Variants in EPHA6 observed in about 807,000 individuals in gnomAD.
EPHA6 encodes the protein ephrin type-A receptor 6.
A neutral mutation model predicts 112.0 loss-of-function variants in EPHA6; 50 were observed. The observed-to-expected ratio is 0.45, with a 90% CI of 0.36 to 0.56. The LOEUF is 0.56. Ranked by LOEUF, EPHA6 falls within the 20% of genes least tolerant of loss-of-function variation. The pLI, the probability that EPHA6 is intolerant of heterozygous loss-of-function variation, is 0.00. For synonymous variants in EPHA6, 529 were observed against 490.7 expected, an observed-to-expected ratio of 1.08 and a Z score of -1.03; for missense variants, 1,280 against 1,417.4, an observed-to-expected ratio of 0.90 and a Z score of 1.56.
At chr3:96,849,101 T>G (rs2035243502) in intron 1 of EPHA6, among the ~76,000 whole-genome samples, 1 of 152,154 alleles carries the variant, frequency 6.6e-6, no homozygotes, top group African/African-American at 2.4e-5. Flanking sequence ...GAAGTTTAGC[T>G]TCCAAGCAGG....
chr3:97,261,818 A>G (rs1322087377), intron 5 of EPHA6, among the ~76,000 whole-genome samples: 1 of 152,186 alleles, frequency 6.6e-6, no homozygotes, highest in Non-Finnish European at 1.5e-5. Context: ...ATGAGATGCT[A>G]CTATTGACAT....
intron 3 of EPHA6, among the ~76,000 whole-genome samples, chr3:97,135,815 G>A (rs2075754380): frequency 6.6e-6 from 1 of 150,718 alleles, no homozygotes; most frequent in Non-Finnish European, 1.5e-5. Flanking sequence ...ACGCTTTGAA[G>A]GAAATTCAGG....
chr3:96,898,919 A>T (rs900124603), intron 2 of EPHA6, among the ~76,000 whole-genome samples: 1 of 151,444 alleles, frequency 6.6e-6, no homozygotes, highest in South Asian at 2.1e-4. Flanking sequence ...TCCCAGCTAC[A>T]CGGGAGGCTG....
intron 2 of EPHA6, among the ~76,000 whole-genome samples, chr3:96,884,290 T>G (rs898164917): frequency 6.6e-6 from 1 of 152,266 alleles, no homozygotes; most frequent in African/African-American, 2.4e-5. Context: ...ATTGCATTGA[T>G]TTGTAGATTG....
At chr3:97,160,908 G>A (rs2076399965) in intron 3 of EPHA6, among the ~76,000 whole-genome samples, 1 of 152,088 alleles carries the variant, frequency 6.6e-6, no homozygotes, top group Non-Finnish European at 1.5e-5. Flanking sequence ...TATAAATCAG[G>A]TACCAGGCTT....
chr3:97,570,926 G>A (rs1488126008), intron 11 of EPHA6, among the ~76,000 whole-genome samples: 1 of 152,150 alleles, frequency 6.6e-6, no homozygotes, highest in African/African-American at 2.4e-5. Flanking sequence ...CACCAGCACT[G>A]TAGAGTCTAG....
intron 16 of EPHA6, among the ~76,000 whole-genome samples, chr3:97,736,470 A>AGTGTGTGTGT (rs376497031): frequency 1.7e-5 from 2 of 118,812 alleles, no homozygotes; most frequent in South Asian, 3.2e-4. Context: ...AGAGAGAGAG[A>AGTGTGTGTGT]GTGTGTGTGT....
intron 5 of EPHA6, among the ~76,000 whole-genome samples, chr3:97,323,057 T>C (rs1356097490): frequency 2.2e-4 from 34 of 152,092 alleles, no homozygotes; most frequent in Non-Finnish European, 1.0e-4. Flanking sequence ...TCCCTTGTAG[T>C]TAAGAAAAAT....
chr3:97,003,401 A>G (rs965584025), intron 3 of EPHA6, among the ~76,000 whole-genome samples: 2 of 152,076 alleles, frequency 1.3e-5, no homozygotes, highest in Non-Finnish European at 2.9e-5. Context: ...TTTCTTAACT[A>G]AGCCCCAGAA....
chr3:97,184,449 G>T (rs1350703267), intron 3 of EPHA6, among the ~76,000 whole-genome samples: 1 of 152,124 alleles, frequency 6.6e-6, no homozygotes, highest in East Asian at 1.9e-4. Flanking sequence ...AATCATCAGT[G>T]AACTCCCATT....
chr3:97,470,020 A>G (rs1046311640), intron 7 of EPHA6, among the ~76,000 whole-genome samples: 5 of 151,632 alleles, frequency 3.3e-5, no homozygotes, highest in Non-Finnish European at 5.9e-5. Flanking sequence ...AATGATAACA[A>G]TATCATCTAC....
intron 3 of EPHA6, among the ~76,000 whole-genome samples, chr3:97,212,417 T>A (rs1163150378): frequency 6.6e-6 from 1 of 152,190 alleles, no homozygotes; most frequent in Non-Finnish European, 1.5e-5. Context: ...CTATGTTGTA[T>A]GAGTATTATT....
chr3:97,424,990 A>G (rs2088991558), intron 6 of EPHA6, among the ~76,000 whole-genome samples: 1 of 152,088 alleles, frequency 6.6e-6, no homozygotes, highest in African/African-American at 2.4e-5. Context: ...ATCTCCTTTG[A>G]CTCCATGTCT....
chr3:96,882,746 G>GTGTGTGTGTGTGTGTGTGTGTT, intron 2 of EPHA6, among the ~76,000 whole-genome samples: 1 of 145,364 alleles, frequency 6.9e-6, no homozygotes, highest in South Asian at 2.2e-4. Flanking sequence ...GTGTGTGTGT[G>GTGTGTGTGTGTGTGTGTGTGTT]TGTGTGTGTG....
rs561131820 is a variant in EPHA6 at position 97,253,125 on chromosome 3, A to C, written c.1606+8838A>C. Among the ~76,000 whole-genome samples, 8 of 152,352 alleles carry C rather than the reference A, an allele frequency of 5.3e-5. No homozygotes were observed. In the South Asian group the frequency reaches 1.7e-3, roughly 32 times the overall value. On this transcript the variant is annotated intron_variant, in intron 5 of 17. Transcript: ENST00000389672. ...TGAAAAAAAACAAAATTAAATATAT[A>C]ATATCTGATTCAATATACATTTTCA...
intron 3 of EPHA6, among the ~76,000 whole-genome samples, chr3:97,092,416 A>G (rs2047100924): frequency 6.6e-6 from 1 of 152,076 alleles, no homozygotes; most frequent in South Asian, 2.1e-4. Context: ...CTCCAAAAGT[A>G]TGGCTTCTAT....
intron 14 of EPHA6, among the ~76,000 whole-genome samples, chr3:97,675,687 T>C (rs1283077271): frequency 3.9e-5 from 6 of 152,194 alleles, no homozygotes; most frequent in Admixed American, 1.3e-4. Context: ...ATATATCTTA[T>C]AAGAATAACA....
chr3:97,647,635 T>C (rs2094075648), intron 14 of EPHA6, among the ~76,000 whole-genome samples: 1 of 152,158 alleles, frequency 6.6e-6, no homozygotes, highest in Non-Finnish European at 1.5e-5. Context: ...TAATTAGTGT[T>C]ATGTGGCTAA....
chr3:97,195,979 A>G (rs1443598784), intron 3 of EPHA6, among the ~76,000 whole-genome samples: 2 of 151,928 alleles, frequency 1.3e-5, no homozygotes, highest in Non-Finnish European at 2.9e-5. Context: ...TATGAGTTAC[A>G]TATGCTTGGT....
Sources: allele counts gnomAD v4.1 joint callset (sites outside exome capture counted in the v4.1 genomes callset), GRCh38; gene constraint gnomAD v4.1.1; transcripts MANE v1.5; gene names NCBI Gene and HGNC (gene_info 2026-07-23, HGNC 2026-07-21).